RBFOX1: variants seen among roughly 807,000 people sequenced by gnomAD.
RBFOX1 encodes RNA binding fox-1 homolog 1, also known as RNA binding protein fox-1 homolog 1.
In RBFOX1, 8 loss-of-function variants were observed where a neutral mutation model predicts 57.7. The ratio of observed to expected loss-of-function variants is 0.14; its 90% CI spans 0.08 to 0.25. The LOEUF is 0.25. Ranked by LOEUF, RBFOX1 falls within the 10% of genes least tolerant of loss-of-function variation. The pLI, the probability that RBFOX1 is intolerant of heterozygous loss-of-function variation, is 1.00. For synonymous variants in RBFOX1, 326 were observed against 222.4 expected, an observed-to-expected ratio of 1.47 and a Z score of -4.15; for missense variants, 611 against 548.5, an observed-to-expected ratio of 1.11 and a Z score of -1.14.
intron 2 of RBFOX1, among the ~76,000 whole-genome samples, chr16:6,602,947 T>A (rs1167479743): frequency 1.3e-5 from 2 of 152,206 alleles, no homozygotes; most frequent in African/African-American, 4.8e-5. Flanking sequence ...TTGGGAATCC[T>A]GACTTGAGCC....
At chr16:6,076,093 G>T (rs940068785) in intron 1 of RBFOX1, among the ~76,000 whole-genome samples, 1 of 152,108 alleles carries the variant, frequency 6.6e-6, no homozygotes, top group African/African-American at 2.4e-5. Context: ...GAGTTTGGGG[G>T]TTCAAAACCA....
At chr16:7,026,970 C>G (rs371221943) in intron 3 of RBFOX1, among the ~76,000 whole-genome samples, 2 of 152,266 alleles carry the variant, frequency 1.3e-5, no homozygotes, top group East Asian at 1.9e-4. Context: ...TTTGCCCTCT[C>G]TGAAGCATAC....
chr16:5,688,077 A>G (rs997610638), intron 3 of RBFOX1, among the ~76,000 whole-genome samples: 2 of 152,228 alleles, frequency 1.3e-5, no homozygotes, highest in Non-Finnish European at 2.9e-5. Flanking sequence ...AGCTGACCTA[A>G]TCTTAACACA....
intron 3 of RBFOX1, among the ~76,000 whole-genome samples, chr16:6,854,469 G>A (rs2057421851): frequency 6.6e-6 from 1 of 152,038 alleles, no homozygotes. Context: ...CACCTTGAGG[G>A]CTGCCAGAAA....
At chr16:7,150,534 T>C (rs970354242) in intron 4 of RBFOX1, among the ~76,000 whole-genome samples, 3 of 152,216 alleles carry the variant, frequency 2.0e-5, no homozygotes, top group African/African-American at 4.8e-5. Flanking sequence ...AAGTAAGGGA[T>C]GGCTACCGTG....
At chr16:6,212,566 G>C (rs1172660421) in intron 1 of RBFOX1, among the ~76,000 whole-genome samples, 1 of 152,048 alleles carries the variant, frequency 6.6e-6, no homozygotes, top group Non-Finnish European at 1.5e-5. Flanking sequence ...AATTAGTTGG[G>C]CATGGTGGTG....
At chr16:5,324,049 G>A (rs2064490349) in intron 1 of RBFOX1, among the ~76,000 whole-genome samples, 1 of 152,256 alleles carries the variant, frequency 6.6e-6, no homozygotes, top group Non-Finnish European at 1.5e-5. Context: ...CTCTTTTAGT[G>A]TTGTGTCTCT....
At chr16:7,607,224 T>A in intron 9 of RBFOX1, 61 bp from the exon 10 acceptor site, 1 of 1,438,658 alleles carries the variant, frequency 7.0e-7, no homozygotes, top group South Asian at 1.3e-5. Flanking sequence ...GTGATTCATT[T>A]GCAATTATAT....
chr16:6,387,386 A>G (rs13336584), intron 2 of RBFOX1, among the ~76,000 whole-genome samples: 2,310 of 151,020 alleles, frequency 0.015, 61 homozygotes, highest in African/African-American at 0.053. Flanking sequence ...ATGCAACTTG[A>G]CTTCTATTTA....
chr16:5,735,687 A>G (rs929965971), intron 3 of RBFOX1, among the ~76,000 whole-genome samples: 2 of 152,148 alleles, frequency 1.3e-5, no homozygotes, highest in Non-Finnish European at 2.9e-5. Flanking sequence ...ACCTGAGGTC[A>G]GGAGTTTGAG....
At chr16:7,391,573 C>G (rs1276372550) in intron 4 of RBFOX1, among the ~76,000 whole-genome samples, 1 of 152,178 alleles carries the variant, frequency 6.6e-6, no homozygotes, top group Admixed American at 6.5e-5. Flanking sequence ...GGTTAAGTAC[C>G]TTTACTGTAT....
chr16:7,300,917 G>A (rs1032109889), intron 4 of RBFOX1, among the ~76,000 whole-genome samples: 1 of 152,190 alleles, frequency 6.6e-6, no homozygotes, highest in Non-Finnish European at 1.5e-5. Flanking sequence ...AATGCAGGCA[G>A]GGTGGCCCTT....
chr16:7,177,554 C>T (rs1372615454), intron 4 of RBFOX1, among the ~76,000 whole-genome samples: 1 of 151,906 alleles, frequency 6.6e-6, no homozygotes, highest in Non-Finnish European at 1.5e-5. Flanking sequence ...TACCTTGTGT[C>T]TTATTTTCAG....
At chr16:6,805,187 T>G (rs566608833) in intron 3 of RBFOX1, among the ~76,000 whole-genome samples, 1 of 152,284 alleles carries the variant, frequency 6.6e-6, no homozygotes, top group Admixed American at 6.5e-5. Context: ...GTGGTACATC[T>G]ACACCATGGA....
chr16:7,269,772 TA>T (rs1474321294), intron 4 of RBFOX1, among the ~76,000 whole-genome samples: 1 of 152,224 alleles, frequency 6.6e-6, no homozygotes, highest in Non-Finnish European at 1.5e-5. Context: ...GACTAAATGC[TA>T]AAAAGTATTG....
intron 3 of RBFOX1, among the ~76,000 whole-genome samples, chr16:5,617,412 C>G (rs149516897): frequency 6.6e-6 from 1 of 152,294 alleles, no homozygotes; most frequent in African/African-American, 2.4e-5. Context: ...GCAGTCAAAG[C>G]CAGCCTTGCA....
chr16:6,865,888 C>T (rs1391381599), intron 3 of RBFOX1, among the ~76,000 whole-genome samples: 2 of 152,054 alleles, frequency 1.3e-5, no homozygotes, highest in South Asian at 2.1e-4. Flanking sequence ...CTTTTGCCTT[C>T]TAAGTAACTT....
rs547035183 is a variant in RBFOX1, at chr16:5,761,188, G to A, written c.319-106115G>A. 5.3e-5 allele frequency among the ~76,000 whole-genome samples: 8 copies of A among 152,208 alleles called. No homozygotes were observed. In the East Asian group the frequency reaches 7.7e-4, roughly 15 times the overall value. ...ATGTGGGAGGCAGGGGAGCCCTCTC[G>A]CTGCTGTTTATTTTGTGACATGGTG... On this transcript the variant is annotated intron_variant, in intron 3 of 19. Coordinates refer to the RBFOX1 transcript ENST00000641259.
At chr16:5,956,321 T>A (rs888633289) in intron 4 of RBFOX1, among the ~76,000 whole-genome samples, 1 of 152,132 alleles carries the variant, frequency 6.6e-6, no homozygotes, top group Non-Finnish European at 1.5e-5. Context: ...CCAGTAAAAT[T>A]TGAATTTTAC....
Sources: allele counts gnomAD v4.1 joint callset (sites outside exome capture counted in the v4.1 genomes callset), GRCh38; gene constraint gnomAD v4.1.1; transcripts MANE v1.5; gene names NCBI Gene and HGNC (gene_info 2026-07-23, HGNC 2026-07-21).